Variants in BMPR1B observed in about 807,000 individuals in gnomAD.
The protein encoded by BMPR1B is bone morphogenetic protein receptor type 1B, also known as bone morphogenetic protein receptor type-1B.
Under a neutral mutation model 59.1 loss-of-function variants are expected in BMPR1B, and 12 were observed. That is an observed-to-expected ratio of 0.20 (90% CI 0.13 to 0.33). BMPR1B has a LOEUF of 0.33. Among genes scored for constraint, BMPR1B ranks in the 10% least tolerant of loss-of-function variants. The pLI is 1.00. For missense variants in BMPR1B, 550 were observed against 610.9 expected (o/e 0.90, Z 1.05); for synonymous variants, 237 against 207.3 (o/e 1.14, Z -1.23).
chr4:95,052,739 T>C (rs886817574), intron 3 of BMPR1B, among the ~76,000 whole-genome samples: 1 of 152,198 alleles, frequency 6.6e-6, no homozygotes, highest in Non-Finnish European at 1.5e-5. Context: ...GAAAAAGTTT[T>C]TAATTTCTGT....
chr4:95,121,298 A>T (rs1175043251), intron 6 of BMPR1B, among the ~76,000 whole-genome samples: 1 of 152,234 alleles, frequency 6.6e-6, no homozygotes, highest in Non-Finnish European at 1.5e-5. Flanking sequence ...ATGGAAAAAC[A>T]TCCTATGCTC....
chr4:94,960,590 G>C (rs1335006882), intron 2 of BMPR1B, among the ~76,000 whole-genome samples: 1 of 152,080 alleles, frequency 6.6e-6, no homozygotes, highest in African/African-American at 2.4e-5. Flanking sequence ...ATATCTTGGA[G>C]TTTAACATGG....
At chr4:94,962,120 C>CT (rs1730389157) in intron 2 of BMPR1B, among the ~76,000 whole-genome samples, 1 of 98,834 alleles carries the variant, frequency 1.0e-5, no homozygotes, top group African/African-American at 4.5e-5. Context: ...TCCTTCCTTC[C>CT]TTCTTTCCTT....
intron 2 of BMPR1B, among the ~76,000 whole-genome samples, chr4:94,924,544 T>G: frequency 6.6e-6 from 1 of 152,140 alleles, no homozygotes; most frequent in East Asian, 1.9e-4. Context: ...AGGATCAGAA[T>G]GTGTCCCAGA....
chr4:94,959,951 G>A (rs575025611), intron 2 of BMPR1B, among the ~76,000 whole-genome samples: 1 of 152,110 alleles, frequency 6.6e-6, no homozygotes, highest in Non-Finnish European at 1.5e-5. Flanking sequence ...CGAATTATCT[G>A]CATGTTTTCA....
chr4:94,953,563 T>C lies in BMPR1B; in HGVS notation c.-112-42477T>C, dbSNP rs369759475. Among the ~76,000 whole-genome samples the C allele has an allele frequency of 1.8e-4, 27 of 152,094 alleles. No homozygotes were observed. In the South Asian group the frequency reaches 4.1e-3, roughly 23 times the overall value. On this transcript the variant is annotated intron_variant, in intron 2 of 12. Coordinates refer to ENST00000515059, the MANE Select transcript of BMPR1B (RefSeq NM_001203.3). ...ATGAAATTCTGGGTTGAAAATTCTT[T>C]AAGAATGTTGAATATTGGCCCCCAC...
At chr4:94,758,799 C>T (rs113895459) in intron 1 of BMPR1B, among the ~76,000 whole-genome samples, 1 of 152,032 alleles carries the variant, frequency 6.6e-6, no homozygotes, top group Non-Finnish European at 1.5e-5. Context: ...TTTGCCTCTC[C>T]CCCCGGTCTC....
chr4:95,150,194 T>C (rs890597217), intron 11 of BMPR1B, among the ~76,000 whole-genome samples: 3 of 152,208 alleles, frequency 2.0e-5, no homozygotes, highest in African/African-American at 7.2e-5. Context: ...GTGAGGGAAC[T>C]ATTTTGTGCA....
At chr4:95,093,315 A>C (rs1026735214) in intron 3 of BMPR1B, among the ~76,000 whole-genome samples, 1 of 152,160 alleles carries the variant, frequency 6.6e-6, no homozygotes, top group Non-Finnish European at 1.5e-5. Context: ...TAAATTCAAA[A>C]GCAGAGTAAA....
intron 1 of BMPR1B, among the ~76,000 whole-genome samples, chr4:94,852,514 A>G (rs1178017150): frequency 6.6e-6 from 1 of 152,162 alleles, no homozygotes; most frequent in East Asian, 1.9e-4. Context: ...TTCTAGTTCC[A>G]AATGGTTGTC....
intron 2 of BMPR1B, among the ~76,000 whole-genome samples, chr4:94,905,294 C>G (rs934291172): frequency 6.6e-6 from 1 of 151,978 alleles, no homozygotes; most frequent in East Asian, 1.9e-4. Flanking sequence ...GCAAATATCC[C>G]AATTTAAATT....
At chr4:95,074,057 A>G (rs1728522812) in intron 3 of BMPR1B, among the ~76,000 whole-genome samples, 1 of 152,042 alleles carries the variant, frequency 6.6e-6, no homozygotes, top group South Asian at 2.1e-4. Flanking sequence ...TGATTATTAT[A>G]TGATGACTTT....
chr4:95,094,663 C>CG (rs890304014), intron 3 of BMPR1B, among the ~76,000 whole-genome samples: 8 of 152,126 alleles, frequency 5.3e-5, no homozygotes, highest in African/African-American at 7.2e-5. Flanking sequence ...TTAGTTAAGT[C>CG]ACTTGCTAAG....
At chr4:94,855,984 C>T (rs1725739551) in intron 1 of BMPR1B, among the ~76,000 whole-genome samples, 1 of 152,170 alleles carries the variant, frequency 6.6e-6, no homozygotes, top group African/African-American at 2.4e-5. Context: ...CAGTTGTTAA[C>T]ACAGCCTCTT....
chr4:94,806,562 A>G (rs1465154460), intron 1 of BMPR1B, among the ~76,000 whole-genome samples: 4 of 152,202 alleles, frequency 2.6e-5, no homozygotes, highest in Non-Finnish European at 5.9e-5. Flanking sequence ...GTTCCTGAGG[A>G]GGCTGTTGCA....
chr4:95,130,425 G>C (rs1733243339), intron 9 of BMPR1B, among the ~76,000 whole-genome samples: 1 of 152,116 alleles, frequency 6.6e-6, no homozygotes, highest in Non-Finnish European at 1.5e-5. Context: ...TATATCAATA[G>C]TTTATATTGA....
At chr4:95,064,333 G>C (rs1727640511) in intron 3 of BMPR1B, among the ~76,000 whole-genome samples, 1 of 152,192 alleles carries the variant, frequency 6.6e-6, no homozygotes, top group South Asian at 2.1e-4. Context: ...CGCCTGAGTT[G>C]TGCCTCCTGT....
At chr4:95,097,580 C>A (rs1730520616) in intron 3 of BMPR1B, among the ~76,000 whole-genome samples, 1 of 151,908 alleles carries the variant, frequency 6.6e-6, no homozygotes, top group Non-Finnish European at 1.5e-5. Context: ...GATCTGTCGC[C>A]AGGCTGGAGT....
At chr4:95,030,030 G>A (rs1174134058) in intron 3 of BMPR1B, among the ~76,000 whole-genome samples, 1 of 151,634 alleles carries the variant, frequency 6.6e-6, no homozygotes, top group Non-Finnish European at 1.5e-5. Context: ...TTTGTCAGAT[G>A]AGTAGGTTGC....
Sources: gnomAD v4.1 joint callset for allele counts (sites outside exome capture counted in the v4.1 genomes callset) on GRCh38, gnomAD v4.1.1 for gene constraint, MANE v1.5 for transcripts, NCBI Gene and HGNC (gene_info 2026-07-23, HGNC 2026-07-21) for gene names.